The following B3GAT2 variants were observed in gnomAD, a reference collection of about 807,000 sequenced individuals.
B3GAT2 encodes galactosylgalactosylxylosylprotein 3-beta-glucuronosyltransferase 2.
Under a neutral mutation model 27.8 loss-of-function variants are expected in B3GAT2, and 26 were observed. That is an observed-to-expected ratio of 0.93 (90% CI 0.68 to 1.30). The LOEUF (loss-of-function observed/expected upper bound fraction) is 1.30. B3GAT2 is among the 50% of genes most tolerant of loss of function. The pLI, the probability that B3GAT2 is intolerant of heterozygous loss-of-function variation, is 0.00. For synonymous variants in B3GAT2, 218 were observed against 195.1 expected (o/e 1.12, Z -0.98); for missense variants, 458 against 459.0 (o/e 1.00, Z 0.02).
intron 1 of B3GAT2, among the ~76,000 whole-genome samples, chr6:70,897,581 A>C (rs1772409670): frequency 6.6e-6 from 1 of 152,014 alleles, no homozygotes; most frequent in South Asian, 2.1e-4. Context: ...TCTACTAAAA[A>C]TACAAAAATT....
chr6:70,884,959 T>C (rs1387707603), intron 2 of B3GAT2, among the ~76,000 whole-genome samples: 1 of 152,188 alleles, frequency 6.6e-6, no homozygotes, highest in Non-Finnish European at 1.5e-5. Context: ...AAATGTGTAG[T>C]AGTCACAGCA....
rs574438367 is a variant in B3GAT2, at chr6:70,915,691, T to C, written c.592-21419A>G. Among the ~76,000 whole-genome samples, 38 of 152,320 alleles carry C rather than the reference T, an allele frequency of 2.5e-4. 2 individuals are homozygous for C. In the South Asian group the frequency reaches 7.7e-3, roughly 31 times the overall value. ...CTTTCCCGATTTGTTTTTGTCAGGTTTGTCAAATATCAGATGGTTGTAGAT... is the reference window on the plus strand; with the variant it reads ...CTTTCCCGATTTGTTTTTGTCAGGTCTGTCAAATATCAGATGGTTGTAGAT... On this transcript the variant is annotated intron_variant, in intron 1 of 3. Transcript: ENST00000230053.
rs532814971 is a variant in B3GAT2, at chr6:70,869,672, T to A, written c.737-7694A>T. Among the ~76,000 whole-genome samples the A allele has an allele frequency of 2.0e-5, 3 of 152,348 alleles. No homozygotes were observed. The South Asian group carries it at 6.2e-4, about 32-fold the overall frequency. ...TTCTGACACTATTGTGAATGAAATT[T>A]TCTTAGTTTAATTTTCAGATTGTTC... On this transcript the variant is annotated intron_variant, in intron 2 of 3. Coordinates refer to ENST00000230053, the MANE Select transcript of B3GAT2 (RefSeq NM_080742.3).
chr6:70,946,697 A>C (rs557082313), intron 1 of B3GAT2, among the ~76,000 whole-genome samples: 152 of 151,430 alleles, frequency 1.0e-3, no homozygotes, highest in East Asian at 5.4e-3. Context: ...ACAAGGATAC[A>C]CAGGAATTGA....
chr6:70,930,856 A>G (rs1489344795), intron 1 of B3GAT2, among the ~76,000 whole-genome samples: 1 of 152,236 alleles, frequency 6.6e-6, no homozygotes, highest in African/African-American at 2.4e-5. Context: ...AGGATTATAA[A>G]TCATGCTATT....
At chr6:70,949,459 A>G (rs1765544231) in intron 1 of B3GAT2, among the ~76,000 whole-genome samples, 1 of 150,848 alleles carries the variant, frequency 6.6e-6, no homozygotes, top group Admixed American at 6.6e-5. Context: ...AAAAATGCTC[A>G]GCATCACTGG....
rs1771597601 is a variant in B3GAT2, at chr6:70,859,410, T to C, written c.*2253A>G. 1 of 1,546,108 alleles carries C rather than the reference T, an allele frequency of 6.5e-7. No individual in the cohort carries two copies. On this transcript the variant is annotated 3_prime_UTR_variant, in exon 4 of 4. Coordinates refer to ENST00000230053, the MANE Select transcript of B3GAT2 (RefSeq NM_080742.3). Reference sequence around the variant, plus strand: ...AATGACAAGGTGGTTAAAATGTCCTTTAGTAGGTATGAAGACGTGATCTGC... The same window carrying C: ...AATGACAAGGTGGTTAAAATGTCCTCTAGTAGGTATGAAGACGTGATCTGC...
intron 1 of B3GAT2, among the ~76,000 whole-genome samples, chr6:70,901,486 G>A (rs1045073033): frequency 2.0e-5 from 3 of 152,230 alleles, no homozygotes; most frequent in Non-Finnish European, 1.5e-5. Flanking sequence ...ACCCACATTG[G>A]TGTGTGTGTC....
At chr6:70,954,161 C>T (rs1365749621) in intron 1 of B3GAT2, among the ~76,000 whole-genome samples, 1 of 152,146 alleles carries the variant, frequency 6.6e-6, no homozygotes, top group Non-Finnish European at 1.5e-5. Flanking sequence ...AAAGACCTTG[C>T]GGTTTAAAAA....
chr6:70,949,012 G>C (rs929011992), intron 1 of B3GAT2, among the ~76,000 whole-genome samples: 4 of 152,172 alleles, frequency 2.6e-5, no homozygotes, highest in Non-Finnish European at 5.9e-5. Context: ...GCCATATGTA[G>C]AAAGCTGAAA....
chr6:70,930,674 A>G (rs2150045700), intron 1 of B3GAT2, among the ~76,000 whole-genome samples: 1 of 152,368 alleles, frequency 6.6e-6, no homozygotes, highest in East Asian at 1.9e-4. Context: ...ATCATTAAAA[A>G]GTCAGGAAAC....
chr6:70,942,445 A>AGG (rs1765410252), intron 1 of B3GAT2, among the ~76,000 whole-genome samples: 1 of 152,114 alleles, frequency 6.6e-6, no homozygotes, highest in African/African-American at 2.4e-5. Context: ...CTCTCTCTGG[A>AGG]GGGCTCCTTC....
At position 70,859,295 on chromosome 6, in the gene B3GAT2, C is replaced by T. The variant is rs1771587950; in HGVS notation, c.*2368G>A. ...AGCTCAGGTTAAGGTGCTAGATGAA[C>T]CAGGAAGGAGTTAATACTGGCTCTT... On this transcript the variant is annotated 3_prime_UTR_variant, in exon 4 of 4. Coordinates refer to ENST00000230053, the MANE Select transcript of B3GAT2 (RefSeq NM_080742.3). The T allele has an allele frequency of 6.7e-7, 1 of 1,483,166 alleles. No homozygotes were observed. The highest frequency in any genetic ancestry group is 9.1e-7 in the Non-Finnish European group (1 of 1,097,432). 91.9% of individuals were successfully genotyped at this position (1,483,166 alleles called of 1,614,324 possible). A position where few individuals can be genotyped will look rare whatever the true frequency, so the allele number is the denominator to read the frequency against.
intron 2 of B3GAT2, among the ~76,000 whole-genome samples, chr6:70,870,492 G>A (rs1177668004): frequency 6.6e-6 from 1 of 151,418 alleles, no homozygotes; most frequent in Non-Finnish European, 1.5e-5. Context: ...GTATACATAT[G>A]TAACAAACCT....
intron 1 of B3GAT2, among the ~76,000 whole-genome samples, chr6:70,935,467 T>C (rs1411334239): frequency 1.3e-5 from 2 of 151,790 alleles, no homozygotes; most frequent in African/African-American, 2.4e-5. Context: ...TAAAAATATA[T>C]ATATGTGTAT....
intron 2 of B3GAT2, among the ~76,000 whole-genome samples, chr6:70,865,361 G>A (rs2150021571): frequency 6.6e-6 from 1 of 152,206 alleles, no homozygotes; most frequent in South Asian, 2.1e-4. Flanking sequence ...CAAGTTATCT[G>A]CCCCCCTCGG....
intron 2 of B3GAT2, among the ~76,000 whole-genome samples, chr6:70,871,080 A>G (rs539834099): frequency 1.3e-5 from 2 of 151,348 alleles, no homozygotes; most frequent in Non-Finnish European, 2.9e-5. Flanking sequence ...AAATAATCTT[A>G]TATTCCAGGG....
chr6:70,921,756 G>C (rs961927398), intron 1 of B3GAT2, among the ~76,000 whole-genome samples: 4 of 152,238 alleles, frequency 2.6e-5, no homozygotes, highest in African/African-American at 9.6e-5. Flanking sequence ...GCTATCCTTT[G>C]GATAGGGCTT....
Position 70,856,777 on chromosome 6 carries a change from T to A in B3GAT2, c.*4886A>T. ...ATTGTTTGATTCCTATCTAATTTTA[T>A]AACTTTATTTGGATTTTAAGTAATG... On this transcript the variant is annotated 3_prime_UTR_variant, in exon 4 of 4. Coordinates refer to ENST00000230053, the MANE Select transcript of B3GAT2 (RefSeq NM_080742.3). 7.3e-7 allele frequency: 1 copy of A among 1,375,684 alleles called. No homozygotes were observed. The highest frequency in any genetic ancestry group is 1.5e-5 in the African/African-American group (1 of 68,704). 85.2% of individuals were successfully genotyped at this position (1,375,684 alleles called of 1,614,324 possible).
Sources: gnomAD v4.1 joint callset for allele counts (sites outside exome capture counted in the v4.1 genomes callset) on GRCh38, gnomAD v4.1.1 for gene constraint, MANE v1.5 for transcripts, NCBI Gene and HGNC (gene_info 2026-07-23, HGNC 2026-07-21) for gene names.